PPARG: variants seen among roughly 807,000 people sequenced by gnomAD.
PPARG encodes the protein peroxisome proliferator activated receptor gamma, also known as peroxisome proliferator-activated receptor gamma.
A neutral mutation model predicts 39.2 loss-of-function variants in PPARG; 17 were observed. The observed-to-expected ratio is 0.43, with a 90% CI of 0.30 to 0.65. The LOEUF (loss-of-function observed/expected upper bound fraction) is 0.65. PPARG is among the 30% of genes least tolerant of loss of function. The pLI is 0.13. For missense variants in PPARG, 406 were observed against 585.9 expected (o/e 0.69, Z 3.17); for synonymous variants, 223 against 215.7 (o/e 1.03, Z -0.30).
intron 2 of PPARG, among the ~76,000 whole-genome samples, chr3:12,339,919 C>T (rs1007278139): frequency 2.0e-5 from 3 of 152,196 alleles, no homozygotes; most frequent in African/African-American, 4.8e-5. Context: ...ACGCAAGCTT[C>T]CTGACCTTAC....
rs543158919 is a variant in PPARG at position 12,344,075 on chromosome 3, G to A, written c.-9+31622G>A. Among the ~76,000 whole-genome samples the A allele has an allele frequency of 8.6e-5, 13 of 151,622 alleles. No individual in the cohort carries two copies. In the East Asian group the frequency reaches 2.5e-3, roughly 29 times the overall value. ...AGGGTTTCGCCATGTTGGCCAGGCTGGTCTCAAACTCCTGACCTCAGGTGA... is the reference window on the plus strand; with the variant it reads ...AGGGTTTCGCCATGTTGGCCAGGCTAGTCTCAAACTCCTGACCTCAGGTGA... On this transcript the variant is annotated intron_variant, in intron 2 of 7. Transcript: ENST00000651735.
At chr3:12,416,548 G>T (rs1017909008) in intron 6 of PPARG, among the ~76,000 whole-genome samples, 156 bp from the exon 7 acceptor site, 3 of 152,132 alleles carry the variant, frequency 2.0e-5, no homozygotes, top group African/African-American at 7.2e-5. Context: ...ATGAATAAAA[G>T]AACTTGAGAG....
chr3:12,386,141 AGT>A (rs1480687090), intron 4 of PPARG, among the ~76,000 whole-genome samples: 1 of 152,192 alleles, frequency 6.6e-6, no homozygotes, highest in Non-Finnish European at 1.5e-5. Context: ...ATAATAAAAA[AGT>A]GTTATTAGAG....
At chr3:12,321,708 A>G (rs1188166098) in intron 2 of PPARG, among the ~76,000 whole-genome samples, 1 of 152,040 alleles carries the variant, frequency 6.6e-6, no homozygotes, top group Admixed American at 6.6e-5. Context: ...CGATGTCATC[A>G]CCTCCACCTG....
At chr3:12,399,361 G>A (rs2125234672) in intron 5 of PPARG, 1 of 456,524 alleles carries the variant, frequency 2.2e-6, no homozygotes, top group Non-Finnish European at 4.4e-6. Context: ...AACTACAAAA[G>A]GATAGTTATT....
intron 1 of PPARG, among the ~76,000 whole-genome samples, chr3:12,310,621 G>A (rs1325695293): frequency 4.0e-5 from 5 of 123,666 alleles, no homozygotes; most frequent in African/African-American, 1.5e-4. Context: ...CCGCCACTAC[G>A]CCCGGCTAAT....
At chr3:12,386,557 A>G (rs1055708698) in intron 4 of PPARG, among the ~76,000 whole-genome samples, 1 of 151,784 alleles carries the variant, frequency 6.6e-6, no homozygotes, top group African/African-American at 2.4e-5. Flanking sequence ...AGATTTATTT[A>G]AAACCCATTA....
chr3:12,409,674 C>T (rs1157082793), intron 6 of PPARG, among the ~76,000 whole-genome samples: 1 of 152,162 alleles, frequency 6.6e-6, no homozygotes, highest in East Asian at 1.9e-4. Flanking sequence ...CTGCTTGAGA[C>T]TGATGTCATT....
At chr3:12,308,881 GA>G (rs2047150276) in intron 1 of PPARG, among the ~76,000 whole-genome samples, 1 of 152,072 alleles carries the variant, frequency 6.6e-6, no homozygotes, top group Admixed American at 6.5e-5. Context: ...AAAGGTAGGT[GA>G]CAAAAACCAC....
intron 2 of PPARG, among the ~76,000 whole-genome samples, chr3:12,348,408 A>C (rs1197752227): frequency 1.3e-5 from 2 of 152,214 alleles, no homozygotes; most frequent in Non-Finnish European, 2.9e-5. Flanking sequence ...TCTGTGAAGT[A>C]ATATTGAAGA....
chr3:12,392,706 G>A lies in PPARG; in HGVS notation c.483G>A (p.Gln161=). The A allele has an allele frequency of 6.2e-7, 1 of 1,613,878 alleles. No homozygotes were observed. The highest frequency in any genetic ancestry group is 2.2e-5 in the East Asian group (1 of 44,860). The change falls in exon 5 of 8, where the codon CAG becomes CAA. Residue 161 remains glutamine (Q), a synonymous_variant. Coordinates refer to ENST00000651735, the MANE Select transcript of PPARG (RefSeq NM_138711.6). ...ACAAAAAAAGTAGAAATAAATGTCA[G>A]TACTGTCGGTTTCAGAAATGCCTTG... The part of the protein sequence containing the change: ...RIHKKSRNKC[Q]YCRFQKCLAV...
chr3:12,342,116 G>A (rs568781051), intron 2 of PPARG, among the ~76,000 whole-genome samples: 1 of 152,284 alleles, frequency 6.6e-6, no homozygotes, highest in East Asian at 1.9e-4. Flanking sequence ...GATGGAATAG[G>A]AAGTACACAT....
At position 12,323,345 on chromosome 3, in the gene PPARG, G is replaced by A. The variant is rs571773429; in HGVS notation, c.-9+10892G>A. On this transcript the variant is annotated intron_variant, in intron 2 of 7. Coordinates refer to ENST00000651735, the MANE Select transcript of PPARG (RefSeq NM_138711.6). ...TTTTAGAATCAGACTCTTTGATTTG[G>A]TGTCATTAACATTGATTGAAGAATG... is the stretch of plus-strand genomic sequence containing the variant. Among the ~76,000 whole-genome samples the A allele has an allele frequency of 2.3e-4, 35 of 151,294 alleles. 2 individuals are homozygous for A. The highest frequency in any genetic ancestry group is 6.6e-4 in the African/African-American group (27 of 40,606).
chr3:12,331,288 G>A (rs1054907234), intron 2 of PPARG, among the ~76,000 whole-genome samples: 3 of 152,188 alleles, frequency 2.0e-5, no homozygotes, highest in Non-Finnish European at 4.4e-5. Context: ...TACTGTGAGA[G>A]TTTGAGGAGG....
At chr3:12,410,017 T>G (rs888173173) in intron 6 of PPARG, among the ~76,000 whole-genome samples, 4 of 152,322 alleles carry the variant, frequency 2.6e-5, no homozygotes, top group African/African-American at 9.6e-5. Flanking sequence ...GATGCCCTAC[T>G]TTTCATTGTT....
chr3:12,430,279 G>A (rs1287274005), intron 7 of PPARG, among the ~76,000 whole-genome samples: 2 of 152,242 alleles, frequency 1.3e-5, no homozygotes, highest in African/African-American at 2.4e-5. Flanking sequence ...CTCTTGGCCA[G>A]AACAGCCTTC....
At chr3:12,359,692 T>TTTTTTC (rs2048777018) in intron 2 of PPARG, among the ~76,000 whole-genome samples, 1 of 149,812 alleles carries the variant, frequency 6.7e-6, no homozygotes, top group Non-Finnish European at 1.5e-5. Context: ...TTTTTTTTTT[T>TTTTTTC]GAGACAGAGT....
rs963149724 is a variant in PPARG at position 12,317,670 on chromosome 3, A to G, written c.-9+5217A>G. Among the ~76,000 whole-genome samples, 7 of 152,234 alleles carry G rather than the reference A, an allele frequency of 4.6e-5. No homozygotes were observed. In the East Asian group the frequency reaches 7.7e-4, roughly 17 times the overall value. On this transcript the variant is annotated intron_variant, in intron 2 of 7. Transcript: ENST00000651735. ...TATGTAAATATTTCACTCAATTAAAAAAATATTTTCTTCAGATAAATTGCC... is the reference window on the plus strand; with the variant it reads ...TATGTAAATATTTCACTCAATTAAAGAAATATTTTCTTCAGATAAATTGCC...
At chr3:12,303,530 G>T (rs758522103) in intron 1 of PPARG, among the ~76,000 whole-genome samples, 20 of 152,174 alleles carry the variant, frequency 1.3e-4, no homozygotes, top group Non-Finnish European at 2.8e-4. Flanking sequence ...CTCCTTTACA[G>T]TGTTCCACCC....
Sources: allele counts gnomAD v4.1 joint callset (sites outside exome capture counted in the v4.1 genomes callset), GRCh38; gene constraint gnomAD v4.1.1; transcripts MANE v1.5; gene names NCBI Gene and HGNC (gene_info 2026-07-23, HGNC 2026-07-21).